The following RBFOX1 variants were observed in gnomAD, a reference collection of about 807,000 sequenced individuals.
The protein encoded by RBFOX1 is RNA binding protein fox-1 homolog 1.
In RBFOX1, 8 loss-of-function variants were observed where a neutral mutation model predicts 57.7. That is an observed-to-expected ratio of 0.14 (90% confidence interval 0.08 to 0.25). The LOEUF is 0.25. Among genes scored for constraint, RBFOX1 ranks in the 10% least tolerant of loss-of-function variants. The probability of loss-of-function intolerance (pLI) is 1.00; values close to 1 mark genes in which losing one functional copy is unlikely to be tolerated. For synonymous variants in RBFOX1, 326 were observed against 222.4 expected (o/e 1.47, Z -4.15); for missense variants, 611 against 548.5 (o/e 1.11, Z -1.14).
In RBFOX1 at chr16:6,322,371, G is replaced by C. The variant is rs1427562270; in HGVS notation, c.-64+5314G>C. Among the ~76,000 whole-genome samples, 4 of 152,152 alleles carry C rather than the reference G, an allele frequency of 2.6e-5. No individual in the cohort carries two copies. The East Asian group carries it at 7.7e-4, about 29-fold the overall frequency. Reference sequence around the variant, plus strand: ...AATACATTTCATTCCAACTGGGCAAGTTCATCTCTTGATATCTAAACATGT... The same window carrying C: ...AATACATTTCATTCCAACTGGGCAACTTCATCTCTTGATATCTAAACATGT... On this transcript the variant is annotated intron_variant, in intron 2 of 15. Transcript: ENST00000550418.
intron 4 of RBFOX1, among the ~76,000 whole-genome samples, chr16:7,294,413 C>G (rs960437474): frequency 6.6e-6 from 1 of 151,840 alleles, no homozygotes; most frequent in Non-Finnish European, 1.5e-5. Context: ...TGGGGTTCTA[C>G]CTGGTGTGTC....
intron 3 of RBFOX1, among the ~76,000 whole-genome samples, chr16:6,924,514 C>A (rs915370756): frequency 6.6e-6 from 1 of 152,048 alleles, no homozygotes; most frequent in Non-Finnish European, 1.5e-5. Context: ...TCCCTCCAGG[C>A]CCACCTCCAA....
At chr16:5,736,262 T>G (rs1041335902) in intron 3 of RBFOX1, among the ~76,000 whole-genome samples, 16 of 152,184 alleles carry the variant, frequency 1.1e-4, no homozygotes, top group African/African-American at 3.4e-4. Context: ...ACATCTGTTT[T>G]GGGAAGTATG....
At chr16:7,183,210 T>C (rs904680716) in intron 4 of RBFOX1, among the ~76,000 whole-genome samples, 1 of 152,154 alleles carries the variant, frequency 6.6e-6, no homozygotes, top group African/African-American at 2.4e-5. Flanking sequence ...GCTGCCTGTG[T>C]CTGAAGGGAG....
At chr16:5,521,832 T>C (rs1296177484) in intron 2 of RBFOX1, among the ~76,000 whole-genome samples, 1 of 152,224 alleles carries the variant, frequency 6.6e-6, no homozygotes, top group East Asian at 1.9e-4. Flanking sequence ...GAAGTTCACA[T>C]GTTATTCCTC....
intron 14 of RBFOX1, among the ~76,000 whole-genome samples, chr16:7,687,406 G>T (rs1472220356): frequency 2.6e-5 from 4 of 152,024 alleles, no homozygotes; most frequent in African/African-American, 9.7e-5. Context: ...GTGATTTAAA[G>T]GATATGAGCA....
At chr16:5,425,998 C>T (rs528834112) in intron 1 of RBFOX1, among the ~76,000 whole-genome samples, 1 of 152,142 alleles carries the variant, frequency 6.6e-6, no homozygotes, top group Non-Finnish European at 1.5e-5. Context: ...GACAGGAAGT[C>T]TGGAGTGGAA....
chr16:5,670,931 G>A (rs1307431646), intron 3 of RBFOX1, among the ~76,000 whole-genome samples: 2 of 152,168 alleles, frequency 1.3e-5, no homozygotes, highest in African/African-American at 2.4e-5. Context: ...TGAAGATATT[G>A]AGGCTCAGAG....
At chr16:5,724,405 G>C (rs558344530) in intron 3 of RBFOX1, among the ~76,000 whole-genome samples, 3 of 152,168 alleles carry the variant, frequency 2.0e-5, no homozygotes, top group South Asian at 4.2e-4. Context: ...GGCCTCATTT[G>C]GTCAAACTGG....
intron 4 of RBFOX1, among the ~76,000 whole-genome samples, chr16:7,352,974 C>G (rs779881599): frequency 6.6e-6 from 1 of 152,056 alleles, no homozygotes; most frequent in East Asian, 1.9e-4. Flanking sequence ...GCTTGGCCTC[C>G]CAAAGTGCTG....
At chr16:6,766,866 G>C (rs1242822162) in intron 3 of RBFOX1, among the ~76,000 whole-genome samples, 2 of 152,030 alleles carry the variant, frequency 1.3e-5, no homozygotes, top group African/African-American at 4.8e-5. Context: ...GTTCTAAGCT[G>C]ATGGAACAGC....
chr16:6,947,102 A>G lies in RBFOX1; in HGVS notation c.-15-104955A>G, dbSNP rs560541305. On this transcript the variant is annotated intron_variant, in intron 3 of 15. Transcript: ENST00000550418. Reference sequence around the variant, plus strand: ...CTCAGAGAATAGTTAAGAGGATTTAATGGGATAAGATCTGTTAAACTCTTA... The same window carrying G: ...CTCAGAGAATAGTTAAGAGGATTTAGTGGGATAAGATCTGTTAAACTCTTA... Among the ~76,000 whole-genome samples the G allele has an allele frequency of 7.9e-4, 120 of 152,282 alleles. No homozygotes were observed. The Middle Eastern group carries it at 0.01, about 13-fold the overall frequency.
chr16:5,942,245 G>A (rs1197636454), intron 4 of RBFOX1, among the ~76,000 whole-genome samples: 1 of 152,134 alleles, frequency 6.6e-6, no homozygotes, highest in Non-Finnish European at 1.5e-5. Flanking sequence ...TGCAGGCTAG[G>A]GTTTTTGAAA....
intron 14 of RBFOX1, among the ~76,000 whole-genome samples, chr16:7,683,631 T>G (rs559501819): frequency 6.6e-6 from 1 of 152,206 alleles, no homozygotes; most frequent in African/African-American, 2.4e-5. Flanking sequence ...CCTTTGGTCA[T>G]GTCATGGCCT....
chr16:6,846,805 T>G (rs941242419), intron 3 of RBFOX1, among the ~76,000 whole-genome samples: 1 of 152,224 alleles, frequency 6.6e-6, no homozygotes, highest in Admixed American at 6.5e-5. Flanking sequence ...TTTATTCATT[T>G]GTAAGCAGCT....
chr16:6,711,606 C>G (rs1482777608), intron 3 of RBFOX1, among the ~76,000 whole-genome samples: 1 of 152,176 alleles, frequency 6.6e-6, no homozygotes, highest in Non-Finnish European at 1.5e-5. Context: ...GCCTTACTTC[C>G]CCTTCGCCTT....
chr16:5,579,765 T>C (rs888797178), intron 2 of RBFOX1, among the ~76,000 whole-genome samples: 46 of 151,858 alleles, frequency 3.0e-4, no homozygotes, highest in African/African-American at 1.1e-3. Flanking sequence ...TCTTTCTTTT[T>C]TTTTTTTTCC....
chr16:5,513,067 T>C (rs898816729), intron 2 of RBFOX1, among the ~76,000 whole-genome samples: 1 of 152,146 alleles, frequency 6.6e-6, no homozygotes, highest in Non-Finnish European at 1.5e-5. Flanking sequence ...AGGCGTGCAC[T>C]ACCATGCATA....
At chr16:6,967,600 C>G (rs1374652832) in intron 3 of RBFOX1, among the ~76,000 whole-genome samples, 1 of 152,114 alleles carries the variant, frequency 6.6e-6, no homozygotes, top group Non-Finnish European at 1.5e-5. Context: ...CTAGTTCACC[C>G]TGCCCCTCAG....
Sources: gnomAD v4.1 joint callset for allele counts (sites outside exome capture counted in the v4.1 genomes callset) on GRCh38, gnomAD v4.1.1 for gene constraint, MANE v1.5 for transcripts, NCBI Gene and HGNC (gene_info 2026-07-23, HGNC 2026-07-21) for gene names.